The following GPM6B variants were observed in gnomAD, a reference collection of about 807,000 sequenced individuals.
The protein encoded by GPM6B is neuronal membrane glycoprotein M6-b.
Under a neutral mutation model 27.2 loss-of-function variants are expected in GPM6B, and 4 were observed. The ratio of observed to expected loss-of-function variants is 0.15; its 90% CI spans 0.07 to 0.34. The LOEUF is 0.34. GPM6B is among the 10% of genes least tolerant of loss of function. The pLI is 1.00. For synonymous variants in GPM6B, 124 were observed against 103.1 expected (o/e 1.20, Z -1.23); for missense variants, 183 against 261.9 (o/e 0.70, Z 2.08).
intron 1 of GPM6B, among the ~76,000 whole-genome samples, chrX:13,860,659 TG>T (rs935643712): frequency 9.0e-6 from 1 of 110,533 alleles, no homozygotes; most frequent in African/African-American, 3.3e-5. Flanking sequence ...AATAGGTTTT[TG>T]GGGAACAGGT....
At chrX:13,934,073 C>T (rs1054284720) in intron 1 of GPM6B, among the ~76,000 whole-genome samples, 4 of 110,681 alleles carry the variant, frequency 3.6e-5, no homozygotes, top group South Asian at 4.1e-4. Context: ...AGGGTTTTCT[C>T]GGAGAAGCCA....
intron 1 of GPM6B, among the ~76,000 whole-genome samples, chrX:13,815,262 T>C (rs2049212512): frequency 8.9e-6 from 1 of 112,099 alleles, no homozygotes; most frequent in Non-Finnish European, 1.9e-5. Flanking sequence ...ATTAAAAGTA[T>C]GTACTAAGTA....
intron 2 of GPM6B, among the ~76,000 whole-genome samples, chrX:13,793,232 T>C (rs761048484): frequency 1.8e-5 from 2 of 111,472 alleles, no homozygotes; most frequent in Non-Finnish European, 3.8e-5. Context: ...TTCCTTTCTA[T>C]GGATTCCAGG....
chrX:13,911,843 A>C (rs1054586406), intron 1 of GPM6B, among the ~76,000 whole-genome samples: 6 of 112,291 alleles, frequency 5.3e-5, no homozygotes, highest in Non-Finnish European at 5.6e-5. Context: ...AAATGGAGCT[A>C]AGTCAATAAA....
intron 7 of GPM6B, chrX:13,774,597 T>A (rs191861818): frequency 1.7e-6 from 2 of 1,206,680 alleles, no homozygotes; most frequent in Admixed American, 4.4e-5. Flanking sequence ...ACCGCATAGT[T>A]ATATGTAGTA....
At chrX:13,821,860 G>T (rs940837766), upstream of GPM6B, among the ~76,000 whole-genome samples, 2 of 111,954 alleles carry the variant, frequency 1.8e-5, no homozygotes, top group African/African-American at 3.3e-5. Context: ...CTCCCAAAGT[G>T]CTGGGATTAC....
At chrX:13,919,946 C>T (rs912037979) in intron 1 of GPM6B, among the ~76,000 whole-genome samples, 2 of 97,980 alleles carry the variant, frequency 2.0e-5, no homozygotes, top group Non-Finnish European at 4.1e-5. Context: ...CAGAATGAGA[C>T]TATAGCTACA....
rs771546203 is a variant in GPM6B, at chrX:13,837,710, T to TGGGGG, written c.-197-51907_-197-51903dup. Among the ~76,000 whole-genome samples, 50 of 11,373 alleles carry TGGGGG rather than the reference T, an allele frequency of 4.4e-3. 14 individuals carry two copies. Among genetic ancestry groups the TGGGGG allele is most frequent in the East Asian group, 0.014 (3 of 214 alleles). 9.9% of individuals were successfully genotyped at this position (11,373 alleles called of 115,157 possible). ...GCTTTGCTTTTTCAAAGCAAGTTGG[T>TGGGGG]GGGGGGGGGGGGGGGGGGAAGCAGA... On this transcript the variant is annotated intron_variant, in intron 1 of 6. Coordinates refer to the GPM6B transcript ENST00000398361.
intron 1 of GPM6B, among the ~76,000 whole-genome samples, chrX:13,831,995 A>G (rs1266155708): frequency 8.9e-6 from 1 of 111,981 alleles, no homozygotes. Flanking sequence ...TCTGATAGAG[A>G]GTTTTAAGAT....
intron 1 of GPM6B, among the ~76,000 whole-genome samples, chrX:13,872,826 G>A (rs1274444607): frequency 9.0e-6 from 1 of 111,237 alleles, no homozygotes; most frequent in Non-Finnish European, 1.9e-5. Flanking sequence ...AACTGAACAT[G>A]ATCTTGGAGG....
intron 1 of GPM6B, among the ~76,000 whole-genome samples, chrX:13,860,688 A>G (rs1381948129): frequency 1.8e-5 from 2 of 109,989 alleles, no homozygotes; most frequent in Admixed American, 9.8e-5. Flanking sequence ...GGTTACATGA[A>G]TAACTTCTTT....
chrX:13,812,044 C>CTTTTTTTTTTTTT lies in GPM6B; in HGVS notation c.62-4276_62-4275insAAAAAAAAAAAAA, dbSNP rs752162419. Among the ~76,000 whole-genome samples the CTTTTTTTTTTTTT allele has an allele frequency of 2.2e-4, 18 of 82,661 alleles. 3 individuals are homozygous for CTTTTTTTTTTTTT. The highest frequency in any genetic ancestry group is 6.2e-4 in the African/African-American group (13 of 21,136). The allele number at this position is 82,661 out of a possible 115,157, so 71.8% of individuals were successfully genotyped here. A position where few individuals can be genotyped will look rare whatever the true frequency, so the allele number is the denominator to read the frequency against. On this transcript the variant is annotated intron_variant, in intron 1 of 7. Coordinates refer to ENST00000316715, the MANE Select transcript of GPM6B (RefSeq NM_001001995.3). The stretch of plus-strand genomic sequence containing the variant: ...TTTCAAAGGAGAACACTTTTCTTTT[C>CTTTTTTTTTTTTT]TTTCTTTTTTTTTTTTTTTTTTTGA...
intron 1 of GPM6B, among the ~76,000 whole-genome samples, chrX:13,868,214 C>T (rs1331838084): frequency 1.8e-5 from 2 of 108,163 alleles, no homozygotes; most frequent in African/African-American, 6.8e-5. Flanking sequence ...TGTGTGTGTA[C>T]GTGTGCATAC....
intron 1 of GPM6B, among the ~76,000 whole-genome samples, chrX:13,886,674 A>C (rs778400738): frequency 4.1e-5 from 4 of 97,226 alleles, no homozygotes; most frequent in Admixed American, 2.4e-4. Flanking sequence ...AACCAAAGAG[A>C]ATGACATCTC....
At chrX:13,778,786 A>C (rs2048462730) in intron 5 of GPM6B, among the ~76,000 whole-genome samples, 1 of 109,575 alleles carries the variant, frequency 9.1e-6, no homozygotes, top group African/African-American at 3.5e-5. Context: ...TTTACAAATA[A>C]CTTTAACAGC....
At chrX:13,812,044 C>CTTTTTTTTTTTTTTTTTTTTTT (rs752162419) in intron 1 of GPM6B, among the ~76,000 whole-genome samples, 1 of 82,667 alleles carries the variant, frequency 1.2e-5, no homozygotes, top group Non-Finnish European at 2.3e-5. Flanking sequence ...CTTTTCTTTT[C>CTTTTTTTTTTTTTTTTTTTTTT]TTTCTTTTTT....
chrX:13,892,902 G>A (rs1018903900), intron 1 of GPM6B, among the ~76,000 whole-genome samples: 93 of 111,825 alleles, frequency 8.3e-4, no homozygotes, highest in African/African-American at 2.7e-3. Flanking sequence ...TACCTTCACC[G>A]GGTATGGTGG....
chrX:13,931,914 C>G (rs1285933693), intron 1 of GPM6B, among the ~76,000 whole-genome samples: 1 of 111,965 alleles, frequency 8.9e-6, no homozygotes, highest in Non-Finnish European at 1.9e-5. Flanking sequence ...CTCAACACTC[C>G]TCAAATCTAA....
At chrX:13,837,711 G>T (rs1193121342) in intron 1 of GPM6B, among the ~76,000 whole-genome samples, 7 of 30,829 alleles carry the variant, frequency 2.3e-4, no homozygotes, top group African/African-American at 1.1e-3. Context: ...GCAAGTTGGT[G>T]GGGGGGGGGG....
Sources: gnomAD v4.1 joint callset for allele counts (sites outside exome capture counted in the v4.1 genomes callset) on GRCh38, gnomAD v4.1.1 for gene constraint, MANE v1.5 for transcripts, NCBI Gene and HGNC (gene_info 2026-07-23, HGNC 2026-07-21) for gene names.